The following CNBP variants were observed in gnomAD, a reference collection of about 807,000 sequenced individuals.
The protein encoded by CNBP is CCHC-type zinc finger nucleic acid binding protein.
CNBP carries 6 observed loss-of-function variants against 21.2 expected under a neutral mutation model. That is an observed-to-expected ratio of 0.28 (90% CI 0.16 to 0.56). CNBP has a LOEUF of 0.56. CNBP is among the 20% of genes least tolerant of loss of function. The pLI, the probability that CNBP is intolerant of heterozygous loss-of-function variation, is 0.93. For missense variants in CNBP, 112 were observed against 233.1 expected (o/e 0.48, Z 3.38); for synonymous variants, 61 against 74.9 (o/e 0.81, Z 0.96).
chr3:129,178,330 G>C (rs1412495464), intron 1 of CNBP, among the ~76,000 whole-genome samples: 6 of 152,066 alleles, frequency 3.9e-5, no homozygotes, highest in African/African-American at 1.5e-4. Flanking sequence ...GTCAGTACTT[G>C]TACCATACTA....
intron 1 of CNBP, among the ~76,000 whole-genome samples, chr3:129,183,080 T>C (rs992597659): frequency 2.6e-5 from 4 of 152,088 alleles, no homozygotes; most frequent in Admixed American, 2.6e-4. Flanking sequence ...CCTCCCGAGC[T>C]GCTGGGACTA....
Position 129,168,391 on chromosome 3 carries a change from T to C in CNBP, c.*2062A>G, listed in dbSNP as rs764546386. 1.3e-5 allele frequency among the ~76,000 whole-genome samples: 2 copies of C among 151,814 alleles called. No individual in the cohort carries two copies. The highest frequency in any genetic ancestry group is 2.9e-5 in the Non-Finnish European group (2 of 67,956). ...ACAGTGGCTCACCTGAGGGCAACAGTTGGAGACCAGCCTGACCAACACAGT... is the reference window on the plus strand; with the variant it reads ...ACAGTGGCTCACCTGAGGGCAACAGCTGGAGACCAGCCTGACCAACACAGT... On this transcript the variant is annotated 3_prime_UTR_variant, in exon 5 of 5. Transcript: ENST00000422453.
chr3:129,176,323 GACTACATCTCCCAGCCTGGA>G, intron 1 of CNBP, among the ~76,000 whole-genome samples: 1 of 152,076 alleles, frequency 6.6e-6, no homozygotes, highest in Non-Finnish European at 1.5e-5. Flanking sequence ...AAAAGAATCT[GACTACATCTCCCAGCCTGGA>G]ACTACCCTCC....
intron 1 of CNBP, among the ~76,000 whole-genome samples, chr3:129,178,593 C>T (rs1032705926): frequency 1.3e-5 from 2 of 152,168 alleles, no homozygotes; most frequent in African/African-American, 2.4e-5. Flanking sequence ...GCTTACTTTT[C>T]GCAAGCTCAG....
chr3:129,179,848 A>G (rs967471977), intron 1 of CNBP, among the ~76,000 whole-genome samples: 1 of 152,160 alleles, frequency 6.6e-6, no homozygotes, highest in Non-Finnish European at 1.5e-5. Flanking sequence ...AAAACTAAAA[A>G]AACAAAAATT....
intron 3 of CNBP, 40 bp from the exon 4 acceptor site, chr3:129,171,317 A>G (rs1325972761): frequency 6.2e-7 from 1 of 1,611,478 alleles, no homozygotes; most frequent in Middle Eastern, 1.7e-4. Context: ...AGACTATAAA[A>G]CCTTTACAAA....
In CNBP at chr3:129,172,608, ACAGGCAGACAGGCAGC is replaced by A. The variant is rs1198962230; in HGVS notation, c.-14-853_-14-838del. Among the ~76,000 whole-genome samples the A allele has an allele frequency of 2.3e-3, 74 of 31,780 alleles. No individual in the cohort carries two copies. The East Asian group carries it at 0.034, about 15-fold the overall frequency. The allele number at this position is 31,780 out of a possible 152,430, so 20.8% of individuals were successfully genotyped here. ...GGCAGGCAGGCAGGCAGGCAGGCAG[ACAGGCAGACAGGCAGC>A]CAGGCAGGCAGGCAGGCAGGCAGGC... On this transcript the variant is annotated intron_variant, in intron 1 of 4. Coordinates refer to ENST00000422453, the MANE Select transcript of CNBP (RefSeq NM_003418.5).
At chr3:129,171,895 A>C (rs1483631798) in intron 1 of CNBP, 124 bp from the exon 2 acceptor site, 1 of 1,099,090 alleles carries the variant, frequency 9.1e-7, no homozygotes, top group Non-Finnish European at 1.3e-6. Context: ...TGGTTAAAAA[A>C]ATAGCTGGGC....
At chr3:129,179,631 G>A (rs1032074190) in intron 1 of CNBP, among the ~76,000 whole-genome samples, 2 of 152,178 alleles carry the variant, frequency 1.3e-5, no homozygotes, top group African/African-American at 4.8e-5. Context: ...AGCACTTTGG[G>A]AGGCTGAGGA....
chr3:129,180,626 C>T, intron 1 of CNBP, among the ~76,000 whole-genome samples: 1 of 152,254 alleles, frequency 6.6e-6, no homozygotes, highest in East Asian at 1.9e-4. Flanking sequence ...GCATCTGACA[C>T]TGCCAGAACA....
chr3:129,173,232 A>G (rs141754080), intron 1 of CNBP, among the ~76,000 whole-genome samples: 28 of 152,344 alleles, frequency 1.8e-4, no homozygotes, highest in Middle Eastern at 3.4e-3. Context: ...GTTAGGTATT[A>G]TAAGTAATCT....
chr3:129,180,729 G>A (rs188817108), intron 1 of CNBP, among the ~76,000 whole-genome samples: 2 of 150,818 alleles, frequency 1.3e-5, no homozygotes, highest in Non-Finnish European at 2.9e-5. Flanking sequence ...TCTACTTACT[G>A]TCAGGAGGCT....
rs1649652968 is a variant in CNBP, at chr3:129,169,702, T to A, written c.*751A>T. 4.7e-6 allele frequency: 1 copy of A among 214,510 alleles called. No homozygotes were observed. Among genetic ancestry groups the A allele is most frequent in the Admixed American group, 5.8e-5 (1 of 17,140 alleles). The allele number at this position is 214,510 out of a possible 1,614,324, so 13.3% of individuals were successfully genotyped here. A position where few individuals can be genotyped will look rare whatever the true frequency, so the allele number is the denominator to read the frequency against. On this transcript the variant is annotated 3_prime_UTR_variant, in exon 5 of 5. Transcript: ENST00000422453. Reference sequence around the variant, plus strand: ...AGCAAATGAAACACAGTTGTCTAAGTGATATAGTATACAAAAATAACATCT... The same window carrying A: ...AGCAAATGAAACACAGTTGTCTAAGAGATATAGTATACAAAAATAACATCT...
intron 4 of CNBP, 62 bp from the exon 5 acceptor site, chr3:129,170,632 C>G: frequency 1.5e-6 from 2 of 1,297,982 alleles, no homozygotes; most frequent in East Asian, 2.3e-5. Flanking sequence ...ACCAAAGCAA[C>G]AGTCACCATG....
At chr3:129,170,963 T>C (rs1320198153) in intron 4 of CNBP, 116 bp downstream of exon 4, 1 of 1,073,512 alleles carries the variant, frequency 9.3e-7, no homozygotes, top group African/African-American at 1.6e-5. Flanking sequence ...AAATTGGTCT[T>C]ATCTGGTCAC....
chr3:129,169,130 T>G lies in CNBP; in HGVS notation c.*1323A>C, dbSNP rs1182056709. ...AAAAAATAAAAAAATAAAATAAAAA[T>G]AAAAATACAAAAAATTAGCGGGGGG... On this transcript the variant is annotated 3_prime_UTR_variant, in exon 5 of 5. Coordinates refer to ENST00000422453, the MANE Select transcript of CNBP (RefSeq NM_003418.5). 6.8e-6 allele frequency among the ~76,000 whole-genome samples: 1 copy of G among 146,760 alleles called. No homozygotes were observed. The highest frequency in any genetic ancestry group is 2.0e-4 in the East Asian group (1 of 5,026).
intron 1 of CNBP, among the ~76,000 whole-genome samples, chr3:129,181,051 C>T (rs894821203): frequency 3.3e-5 from 5 of 151,192 alleles, no homozygotes; most frequent in African/African-American, 9.7e-5. Flanking sequence ...ACCAGCCTGG[C>T]CAACATGGTG....
intron 1 of CNBP, among the ~76,000 whole-genome samples, chr3:129,175,432 CTTTTTTTT>C (rs369005126): frequency 4.1e-5 from 5 of 122,120 alleles, no homozygotes; most frequent in African/African-American, 1.2e-4. Context: ...AGATGTTTTG[CTTTTTTTT>C]TTTTTTTTTT....
rs544954509 is a variant in CNBP at position 129,183,160 on chromosome 3, G to A, written c.-15+616C>T. ...AGACCAACTTTCACCATATTGGTCAGGCTGGTCTCGAACTCCTGACCTCGT... is the reference window on the plus strand; with the variant it reads ...AGACCAACTTTCACCATATTGGTCAAGCTGGTCTCGAACTCCTGACCTCGT... On this transcript the variant is annotated intron_variant, in intron 1 of 4. Transcript: ENST00000422453. Among the ~76,000 whole-genome samples, 28 of 152,182 alleles carry A rather than the reference G, an allele frequency of 1.8e-4. 1 individual carries two copies. In the South Asian group the frequency reaches 5.8e-3, roughly 32 times the overall value.
Sources: allele counts gnomAD v4.1 joint callset (sites outside exome capture counted in the v4.1 genomes callset), GRCh38; gene constraint gnomAD v4.1.1; transcripts MANE v1.5; gene names NCBI Gene and HGNC (gene_info 2026-07-23, HGNC 2026-07-21).